GALNT14: variants seen among roughly 807,000 people sequenced by gnomAD.
GALNT14 encodes the protein UDP-GalNAc:polypeptide N-acetylgalactosaminyltransferase 14.
A neutral mutation model predicts 77.5 loss-of-function variants in GALNT14; 60 were observed. The observed-to-expected ratio is 0.77, with a 90% confidence interval of 0.63 to 0.96. GALNT14 has a LOEUF of 0.96. Ranked by LOEUF, GALNT14 falls within the 40% of genes least tolerant of loss-of-function variation. The pLI, the probability that GALNT14 is intolerant of heterozygous loss-of-function variation, is 0.00. For synonymous variants in GALNT14, 280 were observed against 281.7 expected (o/e 0.99, Z 0.06); for missense variants, 710 against 731.0 (o/e 0.97, Z 0.33).
chr2:31,000,747 T>C (rs1328247851), intron 1 of GALNT14, among the ~76,000 whole-genome samples: 5 of 152,152 alleles, frequency 3.3e-5, no homozygotes, highest in Non-Finnish European at 5.9e-5. Context: ...CCAATGTAAA[T>C]GTTAGTCTCA....
At chr2:31,073,255 T>A (rs1416927080) in intron 1 of GALNT14, 1 of 152,248 alleles carries the variant, frequency 6.6e-6, no homozygotes, top group African/African-American at 2.4e-5. Context: ...CTTTGCCCTA[T>A]GCCTGGCATA....
Position 30,966,207 on chromosome 2 carries a change from C to A in GALNT14, c.395G>T (p.Arg132Leu), listed in dbSNP as rs377591303. The part of the protein sequence containing the change: ...EARSTLLRTI[R>L]SVLNRTPTHL... ...CAGACAAGCAAGGATGCCTCACCTG[C>A]GGATGGTCCTGAGCAGCGTGGAGCG... is the stretch of plus-strand genomic sequence containing the variant. The change falls in exon 3 of 15, where the codon CGC (arginine) becomes CTC (leucine). Residue 132 changes from arginine to leucine, a missense_variant. Transcript: ENST00000349752. 1 of 1,613,518 alleles carries A rather than the reference C, an allele frequency of 6.2e-7. No individual in the cohort carries two copies. Among genetic ancestry groups the A allele is most frequent in the Non-Finnish European group, 8.5e-7 (1 of 1,179,532 alleles).
At chr2:30,935,125 T>G (rs1665972869) in intron 9 of GALNT14, among the ~76,000 whole-genome samples, 1 of 152,192 alleles carries the variant, frequency 6.6e-6, no homozygotes, top group Non-Finnish European at 1.5e-5. Flanking sequence ...AGCTGATTAG[T>G]CCTAACAACC....
chr2:31,064,591 A>G (rs569269323), intron 1 of GALNT14, among the ~76,000 whole-genome samples: 1 of 152,302 alleles, frequency 6.6e-6, no homozygotes, highest in African/African-American at 2.4e-5. Flanking sequence ...AATACCCAAG[A>G]GTGGATGTTC....
intron 1 of GALNT14, among the ~76,000 whole-genome samples, chr2:31,045,247 C>G (rs1243820584): frequency 6.6e-6 from 1 of 152,290 alleles, no homozygotes; most frequent in East Asian, 1.9e-4. Context: ...GTCTCAGAAT[C>G]AAGAGACCAG....
chr2:31,106,754 G>A (rs536562271), intron 1 of GALNT14, among the ~76,000 whole-genome samples: 3 of 152,104 alleles, frequency 2.0e-5, no homozygotes, highest in African/African-American at 7.2e-5. Context: ...AATTTTCGTG[G>A]CTCTTGCTGA....
intron 1 of GALNT14, among the ~76,000 whole-genome samples, chr2:31,063,870 C>T (rs193133642): frequency 2.1e-4 from 32 of 152,064 alleles, no homozygotes; most frequent in Admixed American, 1.6e-3. Flanking sequence ...GTCTATTATT[C>T]GTGTAAGTTT....
intron 1 of GALNT14, among the ~76,000 whole-genome samples, chr2:31,027,107 C>A (rs1672106291): frequency 6.6e-6 from 1 of 152,176 alleles, no homozygotes; most frequent in Admixed American, 6.5e-5. Flanking sequence ...TGATGAGAAA[C>A]TAGGAAACAC....
intron 1 of GALNT14, among the ~76,000 whole-genome samples, chr2:31,059,203 T>A (rs181525438): frequency 7.5e-4 from 114 of 152,316 alleles, no homozygotes; most frequent in African/African-American, 2.6e-3. Flanking sequence ...TAGGGAAAAG[T>A]AAGCCAGTCT....
At chr2:30,914,898 G>A (rs918129407) in intron 13 of GALNT14, among the ~76,000 whole-genome samples, 1 of 152,188 alleles carries the variant, frequency 6.6e-6, no homozygotes, top group African/African-American at 2.4e-5. Flanking sequence ...GTGGGGAGGA[G>A]AGAGAAGGGC....
At chr2:31,052,717 G>A (rs1237303911) in intron 1 of GALNT14, among the ~76,000 whole-genome samples, 5 of 152,166 alleles carry the variant, frequency 3.3e-5, no homozygotes, top group African/African-American at 4.8e-5. Context: ...AGAAATCCAG[G>A]GCCTCTTTGG....
Position 30,945,846 on chromosome 2 carries a change from C to T in GALNT14, c.679G>A (p.Val227Met), listed in dbSNP as rs1399889191. The change falls in exon 7 of 15, where the codon GTG becomes ATG. Residue 227 changes from valine to methionine, a missense_variant. Physicochemically the swap from Val to Met is conservative, Grantham distance 21. Transcript: ENST00000349752. ...KEDYTRVVCP[V>M]IDIINLDTFT... ...GTGTCCAGGTTAATGATATCGATCA[C>T]AGGGCACACCACCCGCGTGTAGTCC... The T allele has an allele frequency of 5.0e-6, 8 of 1,614,166 alleles. No individual in the cohort carries two copies. The highest frequency in any genetic ancestry group is 6.8e-6 in the Non-Finnish European group (8 of 1,180,014).
At chr2:31,054,808 C>T (rs1465856705) in intron 1 of GALNT14, among the ~76,000 whole-genome samples, 1 of 152,128 alleles carries the variant, frequency 6.6e-6, no homozygotes, top group Non-Finnish European at 1.5e-5. Context: ...TAATCAGAAA[C>T]TGTAATTAGA....
rs1305304396 is a variant in GALNT14 at position 30,942,327 on chromosome 2, G to C, written c.828-23C>G. ...GTCCTGTGCATTTGGAAGAAAAAGA[G>C]AGGGGATCAGTTCTAGTGGGGAGAT... On this transcript the variant is annotated intron_variant, in intron 8 of 14. Transcript: ENST00000349752. 7 of 1,568,216 alleles carry C rather than the reference G, an allele frequency of 4.5e-6. No individual in the cohort carries two copies. In the East Asian group the frequency reaches 1.3e-4, roughly 30 times the overall value.
chr2:31,018,852 G>A (rs995869329), intron 1 of GALNT14, among the ~76,000 whole-genome samples: 7 of 152,274 alleles, frequency 4.6e-5, no homozygotes, highest in African/African-American at 1.7e-4. Flanking sequence ...CTCAGCAGCT[G>A]TGTGGTGGGG....
At chr2:31,091,823 T>C (rs1305798713) in intron 1 of GALNT14, among the ~76,000 whole-genome samples, 1 of 152,142 alleles carries the variant, frequency 6.6e-6, no homozygotes, top group African/African-American at 2.4e-5. Flanking sequence ...ATCCAAAGTA[T>C]TGTTCCTGGG....
At chr2:31,051,235 A>G (rs946530435) in intron 1 of GALNT14, among the ~76,000 whole-genome samples, 1 of 152,188 alleles carries the variant, frequency 6.6e-6, no homozygotes, top group African/African-American at 2.4e-5. Context: ...GGTGAATGTT[A>G]TGCATCCACC....
At chr2:30,902,520 G>A in the GALNT14 span, among the ~76,000 whole-genome samples, 4 of 152,014 alleles carry the variant, frequency 2.6e-5, no homozygotes, top group African/African-American at 7.3e-5. Flanking sequence ...GGACAACTAA[G>A]CCACATCAAA....
At chr2:30,973,325 C>T (rs1210805829) in intron 2 of GALNT14, among the ~76,000 whole-genome samples, 1 of 152,204 alleles carries the variant, frequency 6.6e-6, no homozygotes, top group Non-Finnish European at 1.5e-5. Flanking sequence ...CTCATCCCTT[C>T]CTTTCCTCAC....
Sources: gnomAD v4.1 joint callset for allele counts (sites outside exome capture counted in the v4.1 genomes callset) on GRCh38, gnomAD v4.1.1 for gene constraint, MANE v1.5 for transcripts, NCBI Gene and HGNC (gene_info 2026-07-23, HGNC 2026-07-21) for gene names.